RGS6: variants seen among roughly 807,000 people sequenced by gnomAD.
RGS6 encodes the protein regulator of G protein signaling 6, also known as regulator of G-protein signaling 6.
RGS6 carries 30 observed loss-of-function variants against 78.5 expected under a neutral mutation model. The observed-to-expected ratio is 0.38, with a 90% CI of 0.29 to 0.52. The LOEUF (loss-of-function observed/expected upper bound fraction) is 0.52. RGS6 is among the 20% of genes least tolerant of loss of function. The pLI, the probability that RGS6 is intolerant of heterozygous loss-of-function variation, is 0.85. For synonymous variants in RGS6, 206 were observed against 206.0 expected (o/e 1.00, Z 0.00); for missense variants, 495 against 609.7 (o/e 0.81, Z 1.98).
At chr14:72,147,232 C>A (rs7143078) in intron 2 of RGS6, among the ~76,000 whole-genome samples, 31 of 152,052 alleles carry the variant, frequency 2.0e-4, no homozygotes, top group Middle Eastern at 3.2e-3. Flanking sequence ...CAGCCTCTAC[C>A]TATTACTAAA....
intron 3 of RGS6, among the ~76,000 whole-genome samples, chr14:72,389,391 C>CA (rs1225289914): frequency 1.3e-5 from 2 of 152,220 alleles, no homozygotes; most frequent in Non-Finnish European, 2.9e-5. Context: ...TGCCAGGACT[C>CA]ACTCTTGGTC....
the RGS6 span, among the ~76,000 whole-genome samples, chr14:72,624,780 A>G: frequency 6.6e-6 from 1 of 152,226 alleles, no homozygotes; most frequent in East Asian, 1.9e-4. Context: ...AAAAAATCCA[A>G]GCCAGTGATT....
intron 4 of RGS6, among the ~76,000 whole-genome samples, chr14:72,456,628 C>T (rs1291474913): frequency 6.6e-6 from 1 of 152,164 alleles, no homozygotes; most frequent in Non-Finnish European, 1.5e-5. Context: ...AACATTTTTG[C>T]TCAGAGAATG....
At chr14:72,149,013 CCACTT>C (rs968835932) in intron 2 of RGS6, among the ~76,000 whole-genome samples, 1 of 152,196 alleles carries the variant, frequency 6.6e-6, no homozygotes, top group African/African-American at 2.4e-5. Context: ...TATCTCCGCA[CCACTT>C]GGTGTCAGCT....
At position 72,316,482 on chromosome 14, in the gene RGS6, C is replaced by T. The variant is rs533415129; in HGVS notation, c.85-35613C>T. Among the ~76,000 whole-genome samples the T allele has an allele frequency of 2.2e-4, 34 of 152,190 alleles. No individual in the cohort carries two copies. The South Asian group carries it at 6.7e-3, about 30-fold the overall frequency. On this transcript the variant is annotated intron_variant, in intron 2 of 17. Coordinates refer to ENST00000553525, the MANE Select transcript of RGS6 (RefSeq NM_001204424.2). The stretch of plus-strand genomic sequence containing the variant: ...TGTCCCACCTATGAGTGAGAACATG[C>T]GGTGTTTGGTTTTCTGTCCTTGTGA...
At position 72,453,353 on chromosome 14, in the gene RGS6, T is replaced by C. The variant is rs544422894; in HGVS notation, c.185-1175T>C. 2.8e-4 allele frequency among the ~76,000 whole-genome samples: 42 copies of C among 152,024 alleles called. No homozygotes were observed. In the East Asian group the frequency reaches 4.5e-3, roughly 16 times the overall value. On this transcript the variant is annotated intron_variant, in intron 3 of 17. Transcript: ENST00000553525. ...CTTCAGGGCCGGGCGCGGTGGCTCA[T>C]GCCTGTAATCCCAGCACTTTGGGAG...
the RGS6 span, among the ~76,000 whole-genome samples, chr14:72,612,993 CGT>C: frequency 0.055 from 8,227 of 148,904 alleles, 264 homozygotes; most frequent in Middle Eastern, 0.09. Context: ...TTAAGTAGGG[CGT>C]GTGTGTGTGT....
chr14:72,018,453 C>T (rs1029826110), intron 2 of RGS6, among the ~76,000 whole-genome samples: 5 of 152,072 alleles, frequency 3.3e-5, no homozygotes, highest in African/African-American at 1.2e-4. Context: ...TTTTCCCTGC[C>T]CATTCATTAG....
At chr14:72,570,435 A>G (rs1434881864), downstream of RGS6, among the ~76,000 whole-genome samples, 2 of 152,244 alleles carry the variant, frequency 1.3e-5, no homozygotes, top group Non-Finnish European at 2.9e-5. Flanking sequence ...AAATGGAACT[A>G]TAAAGGGGCA....
chr14:72,195,407 T>C (rs1289363972), intron 2 of RGS6, among the ~76,000 whole-genome samples: 2 of 152,048 alleles, frequency 1.3e-5, no homozygotes, highest in Non-Finnish European at 2.9e-5. Flanking sequence ...CATTTCAAAG[T>C]ATCAGAGTCT....
chr14:72,270,489 C>G (rs562847094), intron 2 of RGS6, among the ~76,000 whole-genome samples: 230 of 152,334 alleles, frequency 1.5e-3, no homozygotes, highest in Non-Finnish European at 3.0e-3. Context: ...AATTAACATG[C>G]AGCCAGACAC....
chr14:71,993,288 G>T (rs1332914750), intron 2 of RGS6, among the ~76,000 whole-genome samples: 1 of 148,060 alleles, frequency 6.8e-6, no homozygotes, highest in Non-Finnish European at 1.5e-5. Context: ...TAGCTGCCAT[G>T]AACAGCGCAC....
At chr14:72,473,600 T>C (rs1187870000) in intron 9 of RGS6, among the ~76,000 whole-genome samples, 1 of 152,192 alleles carries the variant, frequency 6.6e-6, no homozygotes, top group African/African-American at 2.4e-5. Flanking sequence ...CTTCAACTAT[T>C]CTCTGTCGAA....
At chr14:72,306,145 C>T (rs2067189329) in intron 2 of RGS6, among the ~76,000 whole-genome samples, 1 of 152,170 alleles carries the variant, frequency 6.6e-6, no homozygotes, top group Admixed American at 6.5e-5. Flanking sequence ...ATCTACTCTG[C>T]CTGTGCCCTA....
rs74943082 is a variant in RGS6 at position 72,488,320 on chromosome 14, G to A, written c.855-6832G>A. Among the ~76,000 whole-genome samples the A allele has an allele frequency of 3.1e-3, 469 of 152,208 alleles. 2 individuals carry two copies. The highest frequency in any genetic ancestry group is 0.011 in the African/African-American group (454 of 41,532). On this transcript the variant is annotated intron_variant, in intron 12 of 17. Transcript: ENST00000553525. Reference sequence around the variant, plus strand: ...CTTGCCTAGACCTTTTTTAGAGAAGGCATGACATGGCACAAGCTCCCAGGA... The same window carrying A: ...CTTGCCTAGACCTTTTTTAGAGAAGACATGACATGGCACAAGCTCCCAGGA...
intron 2 of RGS6, among the ~76,000 whole-genome samples, chr14:72,288,706 G>T (rs2063036524): frequency 6.6e-6 from 1 of 152,204 alleles, no homozygotes; most frequent in African/African-American, 2.4e-5. Flanking sequence ...AGGCTTAGGG[G>T]AAAGAAGGCC....
the RGS6 span, among the ~76,000 whole-genome samples, chr14:72,587,484 C>T: frequency 4.1e-4 from 63 of 152,246 alleles, no homozygotes; most frequent in African/African-American, 1.4e-3. Flanking sequence ...GGGCATTTCT[C>T]CTGGCCCATT....
At chr14:72,158,954 A>T (rs2096814223) in intron 2 of RGS6, among the ~76,000 whole-genome samples, 1 of 152,148 alleles carries the variant, frequency 6.6e-6, no homozygotes, top group African/African-American at 2.4e-5. Context: ...TTCTTCCTTC[A>T]TCTGAACAAG....
chr14:71,995,801 C>A (rs1056838007), intron 2 of RGS6, among the ~76,000 whole-genome samples: 3 of 152,200 alleles, frequency 2.0e-5, no homozygotes, highest in Admixed American at 6.5e-5. Flanking sequence ...TACTCTCCAT[C>A]CCCCACCAGC....
Sources: gnomAD v4.1 joint callset for allele counts (sites outside exome capture counted in the v4.1 genomes callset) on GRCh38, gnomAD v4.1.1 for gene constraint, MANE v1.5 for transcripts, NCBI Gene and HGNC (gene_info 2026-07-23, HGNC 2026-07-21) for gene names.